Variants in STK3 observed in about 807,000 individuals in gnomAD.
The protein encoded by STK3 is serine/threonine-protein kinase 3.
Under a neutral mutation model 58.0 loss-of-function variants are expected in STK3, and 41 were observed. That is an observed-to-expected ratio of 0.71 (90% CI 0.55 to 0.92). STK3 has a LOEUF of 0.92. Among genes scored for constraint, STK3 ranks in the 40% least tolerant of loss-of-function variants. The probability of loss-of-function intolerance (pLI) is 0.00; values close to 1 mark genes in which losing one functional copy is unlikely to be tolerated. For synonymous variants in STK3, 170 were observed against 191.0 expected (o/e 0.89, Z 0.91); for missense variants, 479 against 602.7 (o/e 0.79, Z 2.15).
At chr8:98,762,891 G>A (rs1830721799) in intron 3 of STK3, among the ~76,000 whole-genome samples, 1 of 152,126 alleles carries the variant, frequency 6.6e-6, no homozygotes, top group Admixed American at 6.5e-5. Flanking sequence ...CTTCAACACT[G>A]GCCCTGAAGT....
In STK3 at chr8:98,811,183, G is replaced by A. The variant is rs146509348; in HGVS notation, c.26+14332C>T. On this transcript the variant is annotated intron_variant, in intron 1 of 10. Transcript: ENST00000419617. ...TCATGGAGAAGAGGCACTGGCAAGA[G>A]TGCTAACCCAGCAGAAGAGAAAAAA... Among the ~76,000 whole-genome samples, 30 of 152,316 alleles carry A rather than the reference G, an allele frequency of 2.0e-4. No homozygotes were observed. In the East Asian group the frequency reaches 5.8e-3, roughly 29 times the overall value.
At chr8:98,574,826 C>A (rs1323844738) in intron 8 of STK3, among the ~76,000 whole-genome samples, 1 of 152,084 alleles carries the variant, frequency 6.6e-6, no homozygotes, top group Non-Finnish European at 1.5e-5. Flanking sequence ...CAGAAAGGAG[C>A]CATGAAAAAC....
chr8:98,512,913 C>T (rs1824630091), intron 10 of STK3, among the ~76,000 whole-genome samples: 2 of 152,284 alleles, frequency 1.3e-5, no homozygotes, highest in East Asian at 1.9e-4. Flanking sequence ...TACCCAAATG[C>T]TCCTCCAGAG....
At chr8:98,397,034 G>T (rs568659190), downstream of STK3, among the ~76,000 whole-genome samples, 160 of 152,286 alleles carry the variant, frequency 1.1e-3, no homozygotes, top group Non-Finnish European at 1.7e-3. Flanking sequence ...ATTACCGAAG[G>T]TCAAATTAAT....
chr8:98,666,414 A>C (rs961590025), intron 6 of STK3, among the ~76,000 whole-genome samples: 2 of 152,232 alleles, frequency 1.3e-5, no homozygotes, highest in Non-Finnish European at 2.9e-5. Context: ...TAGATGTTAA[A>C]TATTTAGTGT....
chr8:98,701,627 A>G (rs1825624209), intron 6 of STK3, among the ~76,000 whole-genome samples: 1 of 143,608 alleles, frequency 7.0e-6, no homozygotes, highest in Admixed American at 6.8e-5. Flanking sequence ...GTCTCAAAAA[A>G]AAATATATAT....
chr8:98,855,480 C>T (rs1255056024), intron 3 of STK3, among the ~76,000 whole-genome samples: 5 of 152,098 alleles, frequency 3.3e-5, no homozygotes, highest in African/African-American at 9.7e-5. Flanking sequence ...TGAAGCTGGA[C>T]CCTTACCTCC....
Position 98,491,162 on chromosome 8 carries a change from C to CGAGAGAGAGA in STK3, c.1318-35172_1318-35163dup, listed in dbSNP as rs61704241. On this transcript the variant is annotated intron_variant, in intron 10 of 10. Coordinates refer to ENST00000419617, the MANE Select transcript of STK3 (RefSeq NM_006281.4). ...TTTTCTTGCTTACACAAAATAAACACGAGAGAGAGAGAGAGAGAGAGAGAG... is the reference window on the plus strand; with the variant it reads ...TTTTCTTGCTTACACAAAATAAACACGAGAGAGAGAGAGAGAGAGAGAGAGAGAGAGAGAG... Among the ~76,000 whole-genome samples, 632 of 142,928 alleles carry CGAGAGAGAGA rather than the reference C, an allele frequency of 4.4e-3. 8 individuals carry two copies. Among genetic ancestry groups the CGAGAGAGAGA allele is most frequent in the African/African-American group, 0.013 (509 of 38,218 alleles). 93.8% of individuals were successfully genotyped at this position (142,928 alleles called of 152,430 possible).
At chr8:98,792,221 AATAG>A (rs1393664557) in intron 1 of STK3, among the ~76,000 whole-genome samples, 1 of 152,228 alleles carries the variant, frequency 6.6e-6, no homozygotes. Flanking sequence ...CAACATCACT[AATAG>A]ATCAAGAAAT....
At chr8:98,487,463 G>A (rs975685116) in intron 10 of STK3, among the ~76,000 whole-genome samples, 1 of 152,108 alleles carries the variant, frequency 6.6e-6, no homozygotes, top group African/African-American at 2.4e-5. Flanking sequence ...GCTAATTCAA[G>A]GCCAAGATAC....
chr8:98,703,598 C>A (rs1232433428), intron 6 of STK3, among the ~76,000 whole-genome samples: 1 of 152,112 alleles, frequency 6.6e-6, no homozygotes, highest in Non-Finnish European at 1.5e-5. Flanking sequence ...TTTGATCACC[C>A]CATTTCCTTA....
At chr8:98,840,721 T>C (rs1055865368) in intron 3 of STK3, among the ~76,000 whole-genome samples, 13 of 151,204 alleles carry the variant, frequency 8.6e-5, no homozygotes, top group African/African-American at 3.2e-4. Context: ...TATCAAATTA[T>C]CCCCAAATGT....
intron 9 of STK3, among the ~76,000 whole-genome samples, chr8:98,535,353 A>G (rs10955185): frequency 0.42 from 63,350 of 152,054 alleles, 13,404 homozygotes; most frequent in Admixed American, 0.54. Flanking sequence ...CATGCATTGT[A>G]GCACTACTAA....
chr8:98,630,682 G>A (rs193165232), intron 6 of STK3, among the ~76,000 whole-genome samples: 461 of 148,376 alleles, frequency 3.1e-3, no homozygotes, highest in Non-Finnish European at 4.7e-3. Flanking sequence ...GGAGAAGGAG[G>A]AGAAGGAGAA....
At chr8:98,481,248 A>T (rs1821827110) in intron 10 of STK3, among the ~76,000 whole-genome samples, 1 of 152,120 alleles carries the variant, frequency 6.6e-6, no homozygotes, top group Non-Finnish European at 1.5e-5. Context: ...TGTTCAATGA[A>T]TAAATGAAAA....
chr8:98,727,170 A>C (rs1218744140), intron 4 of STK3, among the ~76,000 whole-genome samples: 1 of 152,160 alleles, frequency 6.6e-6, no homozygotes, highest in Non-Finnish European at 1.5e-5. Context: ...TCAATTACTA[A>C]ATCACATTGT....
At chr8:98,720,769 A>G (rs941292111) in intron 4 of STK3, among the ~76,000 whole-genome samples, 1 of 146,142 alleles carries the variant, frequency 6.8e-6, no homozygotes, top group Admixed American at 7.0e-5. Flanking sequence ...AAAAAAAAAA[A>G]GAAAAACTGG....
intron 3 of STK3, among the ~76,000 whole-genome samples, chr8:98,757,001 C>T (rs1287282552): frequency 2.0e-5 from 3 of 152,144 alleles, no homozygotes; most frequent in Non-Finnish European, 4.4e-5. Flanking sequence ...ACCACACAAA[C>T]ATTCTTGTCC....
intron 4 of STK3, among the ~76,000 whole-genome samples, chr8:98,742,123 T>C (rs548266383): frequency 2.0e-4 from 31 of 151,858 alleles, no homozygotes; most frequent in Admixed American, 1.5e-3. Flanking sequence ...CAGGACCAGA[T>C]GGATTCACAG....
Sources: gnomAD v4.1 joint callset for allele counts (sites outside exome capture counted in the v4.1 genomes callset) on GRCh38, gnomAD v4.1.1 for gene constraint, MANE v1.5 for transcripts, NCBI Gene and HGNC (gene_info 2026-07-23, HGNC 2026-07-21) for gene names.